Variants in PGBD5 observed in about 807,000 individuals in gnomAD.
PGBD5 encodes the protein piggyBac transposable element derived 5.
PGBD5 carries 14 observed loss-of-function variants against 47.9 expected under a neutral mutation model. The observed-to-expected ratio is 0.29, with a 90% CI of 0.19 to 0.46. PGBD5 has a LOEUF of 0.46. PGBD5 is among the 20% of genes least tolerant of loss of function. PGBD5 has a pLI of 1.00. For missense variants in PGBD5, 635 were observed against 716.0 expected, an observed-to-expected ratio of 0.89 and a Z score of 1.29; for synonymous variants, 316 against 306.3, an observed-to-expected ratio of 1.03 and a Z score of -0.33.
At chr1:230,402,580 A>G (rs1343708946) in intron 1 of PGBD5, among the ~76,000 whole-genome samples, 2 of 152,190 alleles carry the variant, frequency 1.3e-5, no homozygotes, top group Non-Finnish European at 2.9e-5. Flanking sequence ...TAGCCTCCCA[A>G]GTAGGTAGGA....
chr1:230,370,520 A>G (rs150104867), intron 1 of PGBD5, among the ~76,000 whole-genome samples: 1 of 152,348 alleles, frequency 6.6e-6, no homozygotes, highest in East Asian at 1.9e-4. Flanking sequence ...TGCTTTGCAC[A>G]TCACTTGATT....
intron 1 of PGBD5, among the ~76,000 whole-genome samples, chr1:230,390,470 C>A (rs1656757248): frequency 6.6e-6 from 1 of 152,136 alleles, no homozygotes; most frequent in African/African-American, 2.4e-5. Context: ...ACCAAATCAG[C>A]CTACATTTGT....
chr1:230,316,024 G>A lies in PGBD5; in HGVS notation c.*7401C>T, dbSNP rs1666937691. The A allele has an allele frequency of 7.3e-6, 1 of 137,378 alleles. No homozygotes were observed. Among genetic ancestry groups the A allele is most frequent in the African/African-American group, 2.8e-5 (1 of 35,696 alleles). The allele number at this position is 137,378 out of a possible 1,614,324, so 8.5% of individuals were successfully genotyped here. The stretch of plus-strand genomic sequence containing the variant: ...TATATGTGTACACATATATGTATGT[G>A]TATACATACATAAGTATATGTGTAC... On this transcript the variant is annotated 3_prime_UTR_variant, in exon 7 of 7. Transcript: ENST00000391860.
chr1:230,351,237 C>T, intron 2 of PGBD5, 145 bp from the exon 3 acceptor site: 1 of 882,284 alleles, frequency 1.1e-6, no homozygotes. Context: ...CCTGACCCTT[C>T]TTATCTATAG....
chr1:230,350,249 G>A lies in PGBD5; in HGVS notation c.894+709C>T, dbSNP rs549025802. 2.0e-5 allele frequency among the ~76,000 whole-genome samples: 3 copies of A among 152,334 alleles called. No homozygotes were observed. The East Asian group carries it at 5.8e-4, about 29-fold the overall frequency. ...GACTAGGCAGGGAGACGTCACTTAGGAGCCACATTCTGGTGTGTATCTGTC... is the reference window on the plus strand; with the variant it reads ...GACTAGGCAGGGAGACGTCACTTAGAAGCCACATTCTGGTGTGTATCTGTC... On this transcript the variant is annotated intron_variant, in intron 3 of 6. Transcript: ENST00000391860.
At chr1:230,361,278 T>TA (rs1013698273) in intron 1 of PGBD5, among the ~76,000 whole-genome samples, 59 of 151,600 alleles carry the variant, frequency 3.9e-4, no homozygotes, top group African/African-American at 1.0e-3. Context: ...TATGTGGGTT[T>TA]AAAAAAAAAT....
In PGBD5 at chr1:230,325,336, G is replaced by T; in HGVS notation, c.1353C>A (p.Ile451=). The T allele has an allele frequency of 6.2e-7, 1 of 1,613,666 alleles. No homozygotes were observed. Among genetic ancestry groups the T allele is most frequent in the Non-Finnish European group, 8.5e-7 (1 of 1,179,768 alleles). ...TGCTGTATTTGTCATCGTATCTGCA[G>T]ATGTAGCTCAGGTGAGCGGCAAACG... is the stretch of plus-strand genomic sequence containing the variant. ...VEAFAAHLSY[I]CRYDDKYSKY... The change falls in exon 6 of 7, where the codon ATC becomes ATA. Residue 451 remains isoleucine, a synonymous_variant. Coordinates refer to ENST00000391860, the MANE Select transcript of PGBD5 (RefSeq NM_001258311.2).
rs1377850229 is a variant in PGBD5 at position 230,315,737 on chromosome 1, CTG to C, written c.*7686_*7687del. 1.3e-5 allele frequency: 2 copies of C among 148,566 alleles called. No homozygotes were observed. Among genetic ancestry groups the C allele is most frequent in the African/African-American group, 2.5e-5 (1 of 40,528 alleles). The allele number at this position is 148,566 out of a possible 1,614,324, so 9.2% of individuals were successfully genotyped here. On this transcript the variant is annotated 3_prime_UTR_variant, in exon 7 of 7. Coordinates refer to ENST00000391860, the MANE Select transcript of PGBD5 (RefSeq NM_001258311.2). ...GATAGATATATATATTAAGTGGACA[CTG>C]TATGTGTATATATACACATACATAT...
chr1:230,364,205 G>A (rs1388531640), intron 1 of PGBD5, among the ~76,000 whole-genome samples: 1 of 152,260 alleles, frequency 6.6e-6, no homozygotes, highest in Non-Finnish European at 1.5e-5. Flanking sequence ...GTGGGGTTGA[G>A]TCCTGGCTCA....
At position 230,315,941 on chromosome 1, in the gene PGBD5, T is replaced by G. The variant is rs1321820135; in HGVS notation, c.*7484A>C. ...GTGTATATGTGTACACATATATGTA[T>G]GTGTATACATACATAAGTATATGTG... is the stretch of plus-strand genomic sequence containing the variant. On this transcript the variant is annotated 3_prime_UTR_variant, in exon 7 of 7. Transcript: ENST00000391860. 1 of 123,010 alleles carries G rather than the reference T, an allele frequency of 8.1e-6. No individual in the cohort carries two copies. The highest frequency in any genetic ancestry group is 1.8e-5 in the Non-Finnish European group (1 of 55,666). 7.6% of individuals were successfully genotyped at this position (123,010 alleles called of 1,614,324 possible).
At chr1:230,407,847 A>C (rs1328903883) in intron 1 of PGBD5, among the ~76,000 whole-genome samples, 5 of 152,218 alleles carry the variant, frequency 3.3e-5, no homozygotes, top group Non-Finnish European at 7.3e-5. Context: ...GCAACATCTG[A>C]AATTTACTCC....
rs776274272 is a variant in PGBD5, at chr1:230,357,108, C to G, written c.545G>C (p.Cys182Ser). The change falls in exon 2 of 7, where the codon TGC becomes TCC. Residue 182 changes from cysteine (C) to serine (S), a missense_variant. Transcript: ENST00000391860. The surrounding 1 kb of genome is among the most constrained non-coding windows in gnomAD (Gnocchi z 5.7). ...GCTCCAGATGCTGAGGACGGACTCG[C>G]AGTGGGAGATGCTGGTGGAGATCAT... The part of the protein sequence containing the change: ...GYMISTSISH[C>S]ESVLSIWSGG... The G allele has an allele frequency of 6.2e-7, 1 of 1,614,168 alleles. No homozygotes were observed. Among genetic ancestry groups the G allele is most frequent in the Admixed American group, 1.7e-5 (1 of 60,018 alleles).
chr1:230,362,212 G>C, intron 1 of PGBD5: 3 of 1,332,072 alleles, frequency 2.3e-6, no homozygotes, highest in Non-Finnish European at 3.0e-6. Context: ...GGATCTGATG[G>C]CTGTTCCCCA....
chr1:230,422,674 C>T (rs1357271527), intron 1 of PGBD5, among the ~76,000 whole-genome samples: 1 of 152,150 alleles, frequency 6.6e-6, no homozygotes, highest in African/African-American at 2.4e-5. Flanking sequence ...CAAGGGCCCT[C>T]TCCACCCATA....
In PGBD5 at chr1:230,412,981, A is replaced by G. The variant is rs975112310; in HGVS notation, c.331+12617T>C. On this transcript the variant is annotated intron_variant, in intron 1 of 6. Transcript: ENST00000391860. ...CAGTCCAAGTTTCAGGGTAACATAC[A>G]GTAAGTCATTAACAGGTTCTTGGAA... 3.3e-5 allele frequency among the ~76,000 whole-genome samples: 5 copies of G among 152,334 alleles called. 1 individual carries two copies. The highest frequency in any genetic ancestry group is 2.6e-4 in the Admixed American group (4 of 15,302).
At chr1:230,379,565 C>T (rs567551252) in intron 1 of PGBD5, among the ~76,000 whole-genome samples, 2 of 152,352 alleles carry the variant, frequency 1.3e-5, no homozygotes, top group African/African-American at 4.8e-5. Flanking sequence ...TTCAGCTGTA[C>T]TAAAATACTC....
intron 1 of PGBD5, among the ~76,000 whole-genome samples, chr1:230,403,548 CA>C (rs1558212810): frequency 6.6e-6 from 1 of 152,206 alleles, no homozygotes; most frequent in Non-Finnish European, 1.5e-5. Context: ...CCAAAGGCCT[CA>C]GGGGAGGCTG....
intron 1 of PGBD5, among the ~76,000 whole-genome samples, chr1:230,385,039 T>C (rs190097706): frequency 4.7e-4 from 71 of 152,342 alleles, no homozygotes; most frequent in African/African-American, 1.7e-3. Flanking sequence ...CTGCCTTTCA[T>C]TTTGCCAGTC....
intron 1 of PGBD5, among the ~76,000 whole-genome samples, chr1:230,384,462 C>T (rs1026495974): frequency 1.3e-5 from 2 of 152,108 alleles, no homozygotes; most frequent in Non-Finnish European, 1.5e-5. Flanking sequence ...TGAAGCTGAA[C>T]GAGGTGTCCT....
Sources: allele counts gnomAD v4.1 joint callset (sites outside exome capture counted in the v4.1 genomes callset), GRCh38; gene constraint gnomAD v4.1.1; non-coding constraint Gnocchi (gnomAD v3.1); transcripts MANE v1.5; gene names NCBI Gene and HGNC (gene_info 2026-07-23, HGNC 2026-07-21).